Variants in RMND5B observed in about 807,000 individuals in gnomAD.
RMND5B encodes required for meiotic nuclear division 5 homolog B, also known as E3 ubiquitin-protein transferase RMND5B.
Under a neutral mutation model 50.4 loss-of-function variants are expected in RMND5B, and 42 were observed. That is an observed-to-expected ratio of 0.83 (90% CI 0.65 to 1.08). RMND5B has a LOEUF of 1.08. Ranked by LOEUF, RMND5B falls within the 50% of genes least tolerant of loss-of-function variation. RMND5B has a pLI of 0.00. For synonymous variants in RMND5B, 220 were observed against 210.0 expected (o/e 1.05, Z -0.41); for missense variants, 463 against 508.5 (o/e 0.91, Z 0.86).
rs764390414 is a variant in RMND5B at position 178,149,718 on chromosome 5, G to A, written c.*1686G>A. ...CCAGGTGCTACCGGAGCCCCTCATAGGGGTAGGGGCAGGGACTGCACCTCC... is the reference window on the plus strand; with the variant it reads ...CCAGGTGCTACCGGAGCCCCTCATAAGGGTAGGGGCAGGGACTGCACCTCC... On this transcript the variant is annotated 3_prime_UTR_variant, in exon 11 of 11. Transcript: ENST00000313386. The A allele has an allele frequency of 6.2e-7, 1 of 1,613,814 alleles. No homozygotes were observed. Among genetic ancestry groups the A allele is most frequent in the Admixed American group, 1.7e-5 (1 of 60,024 alleles).
At position 178,142,743 on chromosome 5, in the gene RMND5B, G is replaced by A. The variant is rs1475880693; in HGVS notation, c.285+15G>A. On this transcript the variant is annotated intron_variant, in intron 4 of 10. Transcript: ENST00000313386. ...CCATTGACAGGGTGAGCACGTGGCC[G>A]GCTCCAGGCGTGGGGTGGGAGCACC... 4.3e-6 allele frequency: 7 copies of A among 1,614,104 alleles called. No homozygotes were observed. Among genetic ancestry groups the A allele is most frequent in the Middle Eastern group, 1.6e-4 (1 of 6,084 alleles).
rs1383213989 is a variant in RMND5B, at chr5:178,149,810, C to T, written c.*1778C>T. On this transcript the variant is annotated 3_prime_UTR_variant, in exon 11 of 11. Transcript: ENST00000313386. ...CTTGACCATTATCACACAGGTGGGG[C>T]GCTTGGAGCCTGCGGCTGCACCCAG... The T allele has an allele frequency of 5.0e-6, 8 of 1,613,786 alleles. No individual in the cohort carries two copies. The highest frequency in any genetic ancestry group is 1.7e-5 in the Admixed American group (1 of 59,974).
At position 178,148,078 on chromosome 5, in the gene RMND5B, G is replaced by A; in HGVS notation, c.*46G>A. 4 of 1,587,372 alleles carry A rather than the reference G, an allele frequency of 2.5e-6. No homozygotes were observed. Among genetic ancestry groups the A allele is most frequent in the South Asian group, 2.2e-5 (2 of 90,570 alleles). On this transcript the variant is annotated 3_prime_UTR_variant, in exon 11 of 11. Transcript: ENST00000313386. The stretch of plus-strand genomic sequence containing the variant: ...TGTTGAAAGGGGTTTTCACCTGTGA[G>A]CCTTGGTCTGTCTCGGTAGGGTGGT...
At chr5:178,145,291 C>T (rs1755932331) in intron 7 of RMND5B, among the ~76,000 whole-genome samples, 1 of 151,932 alleles carries the variant, frequency 6.6e-6, no homozygotes, top group African/African-American at 2.4e-5. Context: ...TCGAGACCAT[C>T]CTGGCCAACA....
intron 3 of RMND5B, chr5:178,142,002 T>C (rs759596800): frequency 6.5e-6 from 1 of 154,904 alleles, no homozygotes; most frequent in Admixed American, 6.3e-5. Flanking sequence ...GGCTCATCTA[T>C]GCTGTAGCCT....
intron 2 of RMND5B, among the ~76,000 whole-genome samples, chr5:178,133,232 AG>A (rs1353176132): frequency 2.0e-5 from 3 of 152,174 alleles, no homozygotes; most frequent in Non-Finnish European, 4.4e-5. Context: ...CTCCTTACAC[AG>A]GAGCCCCTTG....
chr5:178,143,849 C>T, intron 6 of RMND5B, 93 bp from the exon 7 acceptor site: 1 of 1,509,146 alleles, frequency 6.6e-7, no homozygotes, highest in Non-Finnish European at 9.2e-7. Context: ...TCTCAAGAGC[C>T]TCACACAGGC....
intron 7 of RMND5B, 32 bp downstream of exon 7, chr5:178,144,140 C>G (rs1755850790): frequency 6.2e-7 from 1 of 1,603,736 alleles, no homozygotes; most frequent in Non-Finnish European, 8.5e-7. Flanking sequence ...GTTGTGCTGC[C>G]TGGCCTGACA....
rs747008987 is a variant in RMND5B at position 178,147,624 on chromosome 5, G to A, written c.952G>A (p.Asp318Asn). The A allele has an allele frequency of 1.7e-5, 27 of 1,614,166 alleles. No individual in the cohort carries two copies. The highest frequency in any genetic ancestry group is 2.3e-5 in the Non-Finnish European group (27 of 1,180,016). ...GTGCACTGGGGTCTGGAATCACAAG[G>A]ACGAGTTACCGGTGAGGCCTGGTCT... Reference protein sequence around the residue: ...RQCTGVWNHKDELPIEIELGM... With the variant: ...RQCTGVWNHKNELPIEIELGM... Residue 318 changes from aspartate to asparagine, a missense_variant, in exon 9 of 11, where the codon GAC (aspartate) becomes AAC (asparagine). Asp to Asn is a conservative substitution (Grantham distance 23, BLOSUM62 1). Coordinates refer to ENST00000313386, the MANE Select transcript of RMND5B (RefSeq NM_022762.5).
chr5:178,147,473 G>T, intron 8 of RMND5B, 60 bp from the exon 9 acceptor site: 4 of 1,373,460 alleles, frequency 2.9e-6, no homozygotes, highest in Non-Finnish European at 3.1e-6. Flanking sequence ...ATGGCGCGCT[G>T]GCCCTTTTTG....
At chr5:178,136,251 A>G (rs1287238934) in intron 2 of RMND5B, 6 of 152,254 alleles carry the variant, frequency 3.9e-5, no homozygotes, top group Non-Finnish European at 5.9e-5. Flanking sequence ...AGCATTAGGT[A>G]AATGAATTAA....
In RMND5B at chr5:178,143,580, G is replaced by C. The variant is rs560328181; in HGVS notation, c.427-47G>C. 4.9e-6 allele frequency: 7 copies of C among 1,431,180 alleles called. No homozygotes were observed. In the East Asian group the frequency reaches 1.4e-4, roughly 28 times the overall value. The allele number at this position is 1,431,180 out of a possible 1,614,324, so 88.7% of individuals were successfully genotyped here. A position where few individuals can be genotyped will look rare whatever the true frequency, so the allele number is the denominator to read the frequency against. The stretch of plus-strand genomic sequence containing the variant: ...ATTATGTGCATAGCAGAGAACTTTG[G>C]AAACACCATCTTCCAGTGGTGGGAT... On this transcript the variant is annotated intron_variant, in intron 5 of 10. Coordinates refer to ENST00000313386, the MANE Select transcript of RMND5B (RefSeq NM_022762.5).
chr5:178,148,112 G>T lies in RMND5B; in HGVS notation c.*80G>T. 1 of 1,412,418 alleles carries T rather than the reference G, an allele frequency of 7.1e-7. No individual in the cohort carries two copies. Among genetic ancestry groups the T allele is most frequent in the Non-Finnish European group, 1.0e-6 (1 of 997,920 alleles). 87.5% of individuals were successfully genotyped at this position (1,412,418 alleles called of 1,614,324 possible). On this transcript the variant is annotated 3_prime_UTR_variant, in exon 11 of 11. Coordinates refer to ENST00000313386, the MANE Select transcript of RMND5B (RefSeq NM_022762.5). ...TGTCTCGGTAGGGTGGTCAACTTCAGTGGACTGTGGTTGGTTTCAGAGCGC... is the reference window on the plus strand; with the variant it reads ...TGTCTCGGTAGGGTGGTCAACTTCATTGGACTGTGGTTGGTTTCAGAGCGC...
chr5:178,148,401 C>T lies in RMND5B; in HGVS notation c.*369C>T, dbSNP rs1354802242. The T allele has an allele frequency of 1.7e-5, 6 of 351,556 alleles. No individual in the cohort carries two copies. The Middle Eastern group carries it at 2.8e-3, about 166-fold the overall frequency. 21.8% of individuals were successfully genotyped at this position (351,556 alleles called of 1,614,324 possible). On this transcript the variant is annotated 3_prime_UTR_variant, in exon 11 of 11. Transcript: ENST00000313386. ...CAAGTCTCTTGCTGCCATGCCAATG[C>T]TATGTCCACCCTTGCCCCTCGGCCC...
Position 178,149,395 on chromosome 5 carries a change from TC to T in RMND5B, c.*1366del. On this transcript the variant is annotated 3_prime_UTR_variant, in exon 11 of 11. Transcript: ENST00000313386. ...CTGCTGAGGAAGACTGCTTCACTCT[TC>T]CCGCCCACCAACTCGCTGGCCCAAC... The T allele has an allele frequency of 2.8e-6, 1 of 353,180 alleles. No individual in the cohort carries two copies. Among genetic ancestry groups the T allele is most frequent in the Non-Finnish European group, 5.5e-6 (1 of 181,782 alleles). 21.9% of individuals were successfully genotyped at this position (353,180 alleles called of 1,614,324 possible). A position where few individuals can be genotyped will look rare whatever the true frequency, so the allele number is the denominator to read the frequency against.
At chr5:178,146,002 T>C in intron 7 of RMND5B, 112 bp from the exon 8 acceptor site, 1 of 1,131,628 alleles carries the variant, frequency 8.8e-7, no homozygotes, top group East Asian at 2.6e-5. Flanking sequence ...CTCAGGGGCT[T>C]GGGAGCCACC....
chr5:178,134,515 T>G (rs1356702268), intron 2 of RMND5B, among the ~76,000 whole-genome samples: 1 of 152,164 alleles, frequency 6.6e-6, no homozygotes, highest in Non-Finnish European at 1.5e-5. Context: ...CTATTAATCA[T>G]GAAGTTTGTC....
At chr5:178,135,465 G>T (rs1458431430) in intron 2 of RMND5B, among the ~76,000 whole-genome samples, 1 of 152,200 alleles carries the variant, frequency 6.6e-6, no homozygotes, top group Non-Finnish European at 1.5e-5. Context: ...ATTCTGCCTA[G>T]ACCTCATTTT....
chr5:178,143,844 A>C (rs1255374601), intron 6 of RMND5B, 98 bp from the exon 7 acceptor site: 5 of 1,498,170 alleles, frequency 3.3e-6, no homozygotes, highest in Non-Finnish European at 2.8e-6. Flanking sequence ...CCCTGTCTCA[A>C]GAGCCTCACA....
Sources: gnomAD v4.1 joint callset for allele counts (sites outside exome capture counted in the v4.1 genomes callset) on GRCh38, gnomAD v4.1.1 for gene constraint, MANE v1.5 for transcripts, NCBI Gene and HGNC (gene_info 2026-07-23, HGNC 2026-07-21) for gene names.